Variants in RBPJ observed in about 807,000 individuals in gnomAD.
The protein encoded by RBPJ is recombining binding protein suppressor of hairless.
A neutral mutation model predicts 67.8 loss-of-function variants in RBPJ; 9 were observed. The ratio of observed to expected loss-of-function variants is 0.13; its 90% confidence interval spans 0.08 to 0.23. The LOEUF (loss-of-function observed/expected upper bound fraction) is 0.23, where lower values mean the gene tolerates loss of function less well. Among genes scored for constraint, RBPJ ranks in the 10% least tolerant of loss-of-function variants. RBPJ has a pLI of 1.00. For synonymous variants in RBPJ, 198 were observed against 203.3 expected, an observed-to-expected ratio of 0.97 and a Z score of 0.22; for missense variants, 305 against 595.6, an observed-to-expected ratio of 0.51 and a Z score of 5.08.
intron 1 of RBPJ, among the ~76,000 whole-genome samples, chr4:26,225,874 A>G (rs190673594): frequency 5.4e-4 from 82 of 152,244 alleles, no homozygotes; most frequent in Middle Eastern, 3.4e-3. Flanking sequence ...TAGGCCAGGC[A>G]TGGTGGCTCA....
At chr4:26,366,863 C>T (rs1332624028) in intron 1 of RBPJ, among the ~76,000 whole-genome samples, 6 of 152,076 alleles carry the variant, frequency 3.9e-5, no homozygotes, top group Admixed American at 2.0e-4. Flanking sequence ...TCGTGTTTCA[C>T]GCCTGTAATC....
upstream of RBPJ, among the ~76,000 whole-genome samples, chr4:26,317,309 A>G (rs184997086): frequency 6.6e-6 from 1 of 152,026 alleles, no homozygotes; most frequent in Non-Finnish European, 1.5e-5. Context: ...GGAATGAGCT[A>G]TAAGGTATAT....
At chr4:26,211,566 A>G (rs1718422716) in intron 1 of RBPJ, among the ~76,000 whole-genome samples, 1 of 152,216 alleles carries the variant, frequency 6.6e-6, no homozygotes. Flanking sequence ...CACGACCATC[A>G]TCAATTTATC....
At chr4:26,347,870 C>T (rs914125201) in intron 1 of RBPJ, among the ~76,000 whole-genome samples, 1 of 151,402 alleles carries the variant, frequency 6.6e-6, no homozygotes, top group Non-Finnish European at 1.5e-5. Context: ...GGCACACATT[C>T]AGTAATTCTG....
At chr4:26,375,729 T>G (rs1209725641) in intron 1 of RBPJ, among the ~76,000 whole-genome samples, 1 of 152,136 alleles carries the variant, frequency 6.6e-6, no homozygotes, top group Non-Finnish European at 1.5e-5. Flanking sequence ...AGATGTTCAG[T>G]CCCCATCAGT....
At chr4:26,215,286 A>C (rs373451144) in intron 1 of RBPJ, among the ~76,000 whole-genome samples, 47,658 of 69,678 alleles carry the variant, frequency 0.68, 18,979 homozygotes, top group East Asian at 0.94. Flanking sequence ...AAGAGAGAGA[A>C]AGAAAGAGAA....
At chr4:26,327,542 GTTTTTTTTTTTTT>G (rs11350013) in intron 1 of RBPJ, among the ~76,000 whole-genome samples, 4 of 104,888 alleles carry the variant, frequency 3.8e-5, no homozygotes, top group Non-Finnish European at 7.3e-5. Context: ...GACCCTGGAG[GTTTTTTTTTTTTT>G]TTTTTTTTTT....
intron 1 of RBPJ, among the ~76,000 whole-genome samples, chr4:26,209,908 C>A (rs967910597): frequency 2.0e-5 from 3 of 151,146 alleles, no homozygotes; most frequent in African/African-American, 7.3e-5. Flanking sequence ...CATTCCCTCA[C>A]CTCCTTTCCC....
In RBPJ at chr4:26,429,416, C is replaced by T. The variant is rs539395232; in HGVS notation, c.889-482C>T. 4.6e-5 allele frequency among the ~76,000 whole-genome samples: 7 copies of T among 152,284 alleles called. No individual in the cohort carries two copies. In the South Asian group the frequency reaches 1.4e-3, roughly 32 times the overall value. On this transcript the variant is annotated intron_variant, in intron 8 of 10. Coordinates refer to ENST00000355476, the MANE Select transcript of RBPJ (RefSeq NM_015874.6). ...ATGCCCATACACACTGATGGGCATG[C>T]TGAGTCCCTGGTCTAGGTGTGTTAA...
At position 26,359,370 on chromosome 4, in the gene RBPJ, CTTT is replaced by C. The variant is rs199513288; in HGVS notation, c.21-26982_21-26980del. Among the ~76,000 whole-genome samples the C allele has an allele frequency of 3.9e-3, 589 of 150,394 alleles. 7 individuals carry two copies. Among genetic ancestry groups the C allele is most frequent in the African/African-American group, 0.014 (569 of 40,962 alleles). ...CTGTGTTGGAAAGAAATACCCAAACCTTTCCTAATAATCAGTATTGCAATGACC... is the reference window on the plus strand; with the variant it reads ...CTGTGTTGGAAAGAAATACCCAAACCCCTAATAATCAGTATTGCAATGACC... On this transcript the variant is annotated intron_variant, in intron 1 of 10. Transcript: ENST00000355476.
intron 1 of RBPJ, among the ~76,000 whole-genome samples, chr4:26,342,300 G>T (rs1217194911): frequency 6.7e-6 from 1 of 148,540 alleles, no homozygotes; most frequent in African/African-American, 2.4e-5. Flanking sequence ...GTGGTGTTTA[G>T]TAGCCAGGAG....
At chr4:26,175,169 C>T (rs1009037543) in intron 1 of RBPJ, among the ~76,000 whole-genome samples, 45 of 152,208 alleles carry the variant, frequency 3.0e-4, no homozygotes, top group African/African-American at 9.7e-4. Flanking sequence ...TACAGAGCCA[C>T]GCTTTCTTGG....
chr4:26,426,639 A>T (rs1735700182), intron 7 of RBPJ, among the ~76,000 whole-genome samples: 1 of 152,218 alleles, frequency 6.6e-6, no homozygotes, highest in Admixed American at 6.5e-5. Flanking sequence ...ACAAAACAAG[A>T]TAATAAAGGG....
intron 1 of RBPJ, among the ~76,000 whole-genome samples, chr4:26,279,079 A>G (rs944014565): frequency 2.6e-5 from 4 of 152,154 alleles, no homozygotes; most frequent in African/African-American, 9.7e-5. Context: ...ATAAGATAAT[A>G]CACATGAAGC....
intron 2 of RBPJ, 96 bp downstream of exon 2, chr4:26,386,487 A>G: frequency 2.5e-6 from 2 of 787,554 alleles, no homozygotes; most frequent in Non-Finnish European, 4.0e-6. Context: ...CCTTAAAGTC[A>G]TTCAAATATT....
At chr4:26,419,402 G>A (rs1734902459) in intron 4 of RBPJ, among the ~76,000 whole-genome samples, 1 of 152,060 alleles carries the variant, frequency 6.6e-6, no homozygotes, top group Non-Finnish European at 1.5e-5. Flanking sequence ...GTTCAAGATG[G>A]CATCTAAATT....
chr4:26,243,355 C>G (rs1274516604), intron 1 of RBPJ, among the ~76,000 whole-genome samples: 12 of 152,144 alleles, frequency 7.9e-5, no homozygotes, highest in Non-Finnish European at 1.3e-4. Context: ...CTGTCACTGA[C>G]AAAACAACTG....
At chr4:26,402,762 C>T (rs1732974748) in intron 2 of RBPJ, among the ~76,000 whole-genome samples, 2 of 152,312 alleles carry the variant, frequency 1.3e-5, no homozygotes, top group African/African-American at 4.8e-5. Context: ...CCATTTACTT[C>T]CGTGGTGTTG....
At chr4:26,327,130 G>C (rs921891448) in intron 1 of RBPJ, among the ~76,000 whole-genome samples, 1 of 152,096 alleles carries the variant, frequency 6.6e-6, no homozygotes, top group Non-Finnish European at 1.5e-5. Context: ...CTTAGGCCTG[G>C]CACAACATCA....
Sources: gnomAD v4.1 joint callset for allele counts (sites outside exome capture counted in the v4.1 genomes callset) on GRCh38, gnomAD v4.1.1 for gene constraint, MANE v1.5 for transcripts, NCBI Gene and HGNC (gene_info 2026-07-23, HGNC 2026-07-21) for gene names.